The following OSBPL8 variants were observed in gnomAD, a reference collection of about 807,000 sequenced individuals.
The protein encoded by OSBPL8 is oxysterol-binding protein-related protein 8.
Under a neutral mutation model 125.5 loss-of-function variants are expected in OSBPL8, and 59 were observed. The ratio of observed to expected loss-of-function variants is 0.47; its 90% CI spans 0.38 to 0.58. The LOEUF (loss-of-function observed/expected upper bound fraction) is 0.58. OSBPL8 is among the 20% of genes least tolerant of loss of function. The probability of loss-of-function intolerance (pLI) is 0.00; values close to 1 mark genes in which losing one functional copy is unlikely to be tolerated. For synonymous variants in OSBPL8, 330 were observed against 338.9 expected (o/e 0.97, Z 0.29); for missense variants, 758 against 1,047.8 (o/e 0.72, Z 3.82).
intron 12 of OSBPL8, 130 bp from the exon 13 acceptor site, chr12:76,386,790 C>G (rs747289695): frequency 3.4e-6 from 2 of 591,240 alleles, no homozygotes; most frequent in Admixed American, 3.4e-5. Context: ...GATGACAAAA[C>G]AACCATGTAA....
chr12:76,396,703 A>ATGATCAT (rs1238448314), intron 8 of OSBPL8, among the ~76,000 whole-genome samples: 3 of 152,172 alleles, frequency 2.0e-5, no homozygotes, highest in African/African-American at 7.2e-5. Context: ...GCAGTGAGCA[A>ATGATCAT]TGATCATGCC....
At chr12:76,440,190 T>C (rs1872007273) in intron 4 of OSBPL8, among the ~76,000 whole-genome samples, 2 of 152,182 alleles carry the variant, frequency 1.3e-5, no homozygotes, top group South Asian at 4.1e-4. Context: ...CTCTCACCCA[T>C]TAAATTTCAT....
At chr12:76,422,104 G>A (rs1869557723) in intron 4 of OSBPL8, among the ~76,000 whole-genome samples, 1 of 151,988 alleles carries the variant, frequency 6.6e-6, no homozygotes, top group African/African-American at 2.4e-5. Context: ...CTTTAATATA[G>A]TTACCATTCT....
At chr12:76,446,799 T>C (rs188248838) in intron 4 of OSBPL8, among the ~76,000 whole-genome samples, 3 of 152,310 alleles carry the variant, frequency 2.0e-5, no homozygotes, top group East Asian at 1.9e-4. Context: ...TGCTAAATAC[T>C]ATTATCTTCA....
At chr12:76,500,666 T>C (rs1244037547) in intron 1 of OSBPL8, among the ~76,000 whole-genome samples, 1 of 152,226 alleles carries the variant, frequency 6.6e-6, no homozygotes, top group Admixed American at 6.5e-5. Context: ...AGTTTTAAAG[T>C]ACAAATCTTC....
At position 76,532,342 on chromosome 12, in the gene OSBPL8, C is replaced by T. The variant is rs181504839; in HGVS notation, c.-68+27055G>A. ...TTTTAAGCAAAACTATTTGATGTTG[C>T]TCAAACAACATAGCAAAACTAGATC... is the stretch of plus-strand genomic sequence containing the variant. On this transcript the variant is annotated intron_variant, in intron 1 of 23. Transcript: ENST00000261183. Among the ~76,000 whole-genome samples the T allele has an allele frequency of 1.4e-4, 22 of 152,028 alleles. 1 individual carries two copies. In the East Asian group the frequency reaches 4.1e-3, roughly 28 times the overall value.
chr12:76,557,705 T>C (rs1367711701), intron 1 of OSBPL8, among the ~76,000 whole-genome samples: 2 of 152,144 alleles, frequency 1.3e-5, no homozygotes, highest in Non-Finnish European at 2.9e-5. Flanking sequence ...CATAAATTCA[T>C]TATACACAAT....
intron 1 of OSBPL8, among the ~76,000 whole-genome samples, chr12:76,550,132 G>A (rs865795163): frequency 1.3e-5 from 2 of 152,074 alleles, no homozygotes; most frequent in African/African-American, 4.8e-5. Context: ...TATAATAGAG[G>A]CATATAGTAC....
intron 1 of OSBPL8, among the ~76,000 whole-genome samples, chr12:76,499,304 C>CTCTATCTA (rs1555231510): frequency 0.2 from 25,622 of 127,838 alleles, 2,709 homozygotes; most frequent in East Asian, 0.34. Flanking sequence ...ACTTAATAAA[C>CTCTATCTA]TCTATCTATC....
intron 1 of OSBPL8, among the ~76,000 whole-genome samples, chr12:76,525,083 G>C (rs1950134714): frequency 6.6e-6 from 1 of 151,916 alleles, no homozygotes; most frequent in Admixed American, 6.6e-5. Context: ...TGCAAAGGGG[G>C]GTAAAAACAG....
chr12:76,450,418 T>TA (rs1365452254), intron 4 of OSBPL8, among the ~76,000 whole-genome samples: 1 of 152,212 alleles, frequency 6.6e-6, no homozygotes, highest in Non-Finnish European at 1.5e-5. Flanking sequence ...TAGTTCTTAA[T>TA]AAAAATGTTA....
At chr12:76,408,393 C>T (rs1954364898) in intron 5 of OSBPL8, among the ~76,000 whole-genome samples, 1 of 141,022 alleles carries the variant, frequency 7.1e-6, no homozygotes, top group South Asian at 2.2e-4. Flanking sequence ...ACCCAGGAGG[C>T]AGAGCTTGCA....
chr12:76,453,867 C>T (rs763606980), intron 3 of OSBPL8, among the ~76,000 whole-genome samples: 2 of 151,822 alleles, frequency 1.3e-5, no homozygotes, highest in Non-Finnish European at 2.9e-5. Flanking sequence ...AAAAGAACAT[C>T]ATAATAGCAA....
chr12:76,422,531 T>G (rs1358624409), intron 4 of OSBPL8: 1 of 456,536 alleles, frequency 2.2e-6, no homozygotes, highest in Non-Finnish European at 4.4e-6. Context: ...AGGAGAAAGT[T>G]CATTGTATCC....
intron 15 of OSBPL8, among the ~76,000 whole-genome samples, chr12:76,380,605 C>T (rs1356266526): frequency 6.8e-6 from 1 of 147,698 alleles, no homozygotes; most frequent in Non-Finnish European, 1.5e-5. Flanking sequence ...TCTTTTTTGA[C>T]CATGCATCTT....
intron 5 of OSBPL8, among the ~76,000 whole-genome samples, chr12:76,408,941 C>A (rs1483402692): frequency 6.6e-6 from 1 of 151,872 alleles, no homozygotes; most frequent in Non-Finnish European, 1.5e-5. Context: ...GTACGAATAC[C>A]ATTATACCAT....
In OSBPL8 at chr12:76,401,689, T is replaced by C. The variant is rs922866714; in HGVS notation, c.366+1000A>G. Among the ~76,000 whole-genome samples, 3 of 152,290 alleles carry C rather than the reference T, an allele frequency of 2.0e-5. No homozygotes were observed. In the East Asian group the frequency reaches 5.8e-4, roughly 29 times the overall value. Reference sequence around the variant, plus strand: ...ATATATTCTCTTACTGATAGAAACCTTCTCTGTTACCAATTTTTTCAAATA... The same window carrying C: ...ATATATTCTCTTACTGATAGAAACCCTCTCTGTTACCAATTTTTTCAAATA... On this transcript the variant is annotated intron_variant, in intron 6 of 23. Transcript: ENST00000261183.
chr12:76,440,120 G>A (rs1001403051), intron 4 of OSBPL8, among the ~76,000 whole-genome samples: 1 of 152,104 alleles, frequency 6.6e-6, no homozygotes, highest in South Asian at 2.1e-4. Flanking sequence ...TCCTTAATCA[G>A]ACAGTTGTTG....
intron 1 of OSBPL8, among the ~76,000 whole-genome samples, chr12:76,536,226 C>T (rs955554371): frequency 2.6e-5 from 4 of 152,056 alleles, no homozygotes; most frequent in Admixed American, 2.0e-4. Context: ...GTGGCTCACA[C>T]TTGTAATCCT....
Sources: gnomAD v4.1 joint callset for allele counts (sites outside exome capture counted in the v4.1 genomes callset) on GRCh38, gnomAD v4.1.1 for gene constraint, MANE v1.5 for transcripts, NCBI Gene and HGNC (gene_info 2026-07-23, HGNC 2026-07-21) for gene names.